Variants in SDK1 observed in about 807,000 individuals in gnomAD.
SDK1 encodes the protein sidekick cell adhesion molecule 1.
SDK1 carries 157 observed loss-of-function variants against 245.5 expected under a neutral mutation model. The ratio of observed to expected loss-of-function variants is 0.64; its 90% confidence interval spans 0.56 to 0.73. The LOEUF is 0.73. Among genes scored for constraint, SDK1 ranks in the 30% least tolerant of loss-of-function variants. SDK1 has a pLI of 0.00. For synonymous variants in SDK1, 1,647 were observed against 1,278.5 expected (o/e 1.29, Z -6.15); for missense variants, 3,583 against 3,002.3 (o/e 1.19, Z -4.52).
At chr7:3,666,799 G>A (rs1783548510) in intron 4 of SDK1, among the ~76,000 whole-genome samples, 2 of 152,102 alleles carry the variant, frequency 1.3e-5, no homozygotes, top group African/African-American at 4.8e-5. Context: ...TCAGTGGTGA[G>A]ATCAGGTGGT....
At chr7:3,309,315 G>C (rs1366420215) in intron 1 of SDK1, among the ~76,000 whole-genome samples, 3 of 151,090 alleles carry the variant, frequency 2.0e-5, no homozygotes, top group South Asian at 2.1e-4. Flanking sequence ...CAAACCACCA[G>C]ATGGCAACAG....
At chr7:3,441,228 A>C (rs997316916) in intron 1 of SDK1, among the ~76,000 whole-genome samples, 1 of 152,182 alleles carries the variant, frequency 6.6e-6, no homozygotes, top group African/African-American at 2.4e-5. Context: ...TGATTTATAA[A>C]TTAAACTGTA....
At chr7:3,904,999 A>AT (rs1781915587) in intron 5 of SDK1, among the ~76,000 whole-genome samples, 1 of 134,226 alleles carries the variant, frequency 7.5e-6, no homozygotes, top group African/African-American at 3.5e-5. Context: ...TCTCAAAAAA[A>AT]AAAAAAAAAA....
chr7:4,199,720 A>C (rs1183149274), intron 35 of SDK1, among the ~76,000 whole-genome samples: 2 of 152,046 alleles, frequency 1.3e-5, no homozygotes, highest in Non-Finnish European at 1.5e-5. Flanking sequence ...CAGCTGCCAC[A>C]CCTGTGCTGC....
At chr7:3,418,668 C>G (rs545346760) in intron 1 of SDK1, among the ~76,000 whole-genome samples, 1 of 152,274 alleles carries the variant, frequency 6.6e-6, no homozygotes, top group African/African-American at 2.4e-5. Context: ...ATTGTTAAGA[C>G]TTTCCAGGGT....
At chr7:3,619,756 G>T (rs961480947) in intron 2 of SDK1, among the ~76,000 whole-genome samples, 6 of 152,178 alleles carry the variant, frequency 3.9e-5, no homozygotes, top group Admixed American at 3.9e-4. Flanking sequence ...ATATATTGAA[G>T]TCCTGCCATG....
chr7:3,880,935 C>T (rs1781194777), intron 5 of SDK1, among the ~76,000 whole-genome samples: 1 of 152,148 alleles, frequency 6.6e-6, no homozygotes, highest in South Asian at 2.1e-4. Flanking sequence ...TTCAAATACA[C>T]ATGAGGTACC....
At chr7:3,840,466 G>A (rs552374700) in intron 5 of SDK1, among the ~76,000 whole-genome samples, 52 of 152,154 alleles carry the variant, frequency 3.4e-4, no homozygotes, top group African/African-American at 1.2e-3. Context: ...GTGAATTATC[G>A]GACTAAACTC....
intron 1 of SDK1, among the ~76,000 whole-genome samples, chr7:3,356,829 C>T (rs549253097): frequency 1.1e-3 from 171 of 151,954 alleles, no homozygotes; most frequent in South Asian, 3.1e-3. Flanking sequence ...AGGCCGAGGC[C>T]AGTGGATCAC....
chr7:3,403,785 C>G (rs2128574259), intron 1 of SDK1, among the ~76,000 whole-genome samples: 1 of 137,036 alleles, frequency 7.3e-6, no homozygotes, highest in African/African-American at 2.7e-5. Flanking sequence ...CTGGGGTACT[C>G]TGTTTCCAAG....
At chr7:3,631,589 C>G (rs1298995793) in intron 2 of SDK1, among the ~76,000 whole-genome samples, 1 of 152,202 alleles carries the variant, frequency 6.6e-6, no homozygotes, top group African/African-American at 2.4e-5. Context: ...ACCTCATGTT[C>G]ATATTCTCCC....
intron 35 of SDK1, among the ~76,000 whole-genome samples, chr7:4,184,078 T>G (rs2128220803): frequency 6.6e-6 from 1 of 152,354 alleles, no homozygotes; most frequent in South Asian, 2.1e-4. Context: ...GCAGCCCAAG[T>G]ACCTGCATTG....
intron 4 of SDK1, among the ~76,000 whole-genome samples, chr7:3,647,748 A>G (rs1378458111): frequency 6.6e-6 from 1 of 152,134 alleles, no homozygotes; most frequent in African/African-American, 2.4e-5. Flanking sequence ...TTGACCACCT[A>G]AAATGTTTTT....
chr7:3,655,183 C>A (rs1783124001), intron 4 of SDK1, among the ~76,000 whole-genome samples: 1 of 151,524 alleles, frequency 6.6e-6, no homozygotes, highest in Non-Finnish European at 1.5e-5. Flanking sequence ...CCTGTAATCC[C>A]AGCACTTTGG....
intron 1 of SDK1, among the ~76,000 whole-genome samples, chr7:3,392,469 T>C (rs1781783316): frequency 6.6e-6 from 1 of 152,168 alleles, no homozygotes; most frequent in African/African-American, 2.4e-5. Context: ...ACATATAGCA[T>C]AGAATTTGTC....
intron 1 of SDK1, among the ~76,000 whole-genome samples, chr7:3,527,166 G>GT (rs1252395276): frequency 1.3e-5 from 2 of 152,092 alleles, no homozygotes; most frequent in African/African-American, 4.8e-5. Flanking sequence ...TTCTTTTAAT[G>GT]TGTCAGCATA....
Position 4,113,450 on chromosome 7 carries a change from G to T in SDK1, c.3585+11G>T. ...CGGCTTCGCTGGGTGGTGAGTGGGG[G>T]TGAGAAGGGAGGCTGGAGGCACACG... On this transcript the variant is annotated intron_variant, in intron 24 of 44. Coordinates refer to ENST00000404826, the MANE Select transcript of SDK1 (RefSeq NM_152744.4). 4 of 1,613,252 alleles carry T rather than the reference G, an allele frequency of 2.5e-6. No individual in the cohort carries two copies. Among genetic ancestry groups the T allele is most frequent in the South Asian group, 2.2e-5 (2 of 91,028 alleles).
At chr7:3,853,847 G>C (rs1780476074) in intron 5 of SDK1, among the ~76,000 whole-genome samples, 1 of 152,078 alleles carries the variant, frequency 6.6e-6, no homozygotes, top group South Asian at 2.1e-4. Flanking sequence ...AAATTAGCTA[G>C]GCTTGGTGGC....
At chr7:3,360,770 C>A (rs576008340) in intron 1 of SDK1, among the ~76,000 whole-genome samples, 13 of 152,152 alleles carry the variant, frequency 8.5e-5, no homozygotes, top group Non-Finnish European at 1.5e-4. Flanking sequence ...TATTAGCAGT[C>A]CCCCCTCCCC....
Sources: gnomAD v4.1 joint callset for allele counts (sites outside exome capture counted in the v4.1 genomes callset) on GRCh38, gnomAD v4.1.1 for gene constraint, MANE v1.5 for transcripts, NCBI Gene and HGNC (gene_info 2026-07-23, HGNC 2026-07-21) for gene names.